Variants in ALG5 observed in about 807,000 individuals in gnomAD.
ALG5 encodes the protein ALG5 dolichyl-phosphate beta-glucosyltransferase.
A neutral mutation model predicts 51.8 loss-of-function variants in ALG5; 26 were observed. That is an observed-to-expected ratio of 0.50 (90% CI 0.37 to 0.70). The LOEUF is 0.70. Ranked by LOEUF, ALG5 falls within the 30% of genes least tolerant of loss-of-function variation. The pLI is 0.00. For synonymous variants in ALG5, 141 were observed against 136.1 expected (o/e 1.04, Z -0.25); for missense variants, 311 against 399.3 (o/e 0.78, Z 1.88).
chr13:36,986,459 G>A (rs193275031), intron 5 of ALG5, among the ~76,000 whole-genome samples: 4 of 152,078 alleles, frequency 2.6e-5, no homozygotes, highest in East Asian at 1.9e-4. Context: ...TATTTCTTAC[G>A]TGCAAATATA....
intron 4 of ALG5, among the ~76,000 whole-genome samples, chr13:36,991,263 C>G (rs1408947509): frequency 1.3e-5 from 2 of 152,162 alleles, no homozygotes; most frequent in Non-Finnish European, 2.9e-5. Context: ...TTTCTCTTTT[C>G]TAGCCTCCAT....
At chr13:36,976,688 C>A (rs894466016) in intron 6 of ALG5, among the ~76,000 whole-genome samples, 4 of 151,664 alleles carry the variant, frequency 2.6e-5, no homozygotes, top group African/African-American at 7.3e-5. Context: ...GCAGAGGTTG[C>A]GGTGAGCCGA....
At chr13:36,994,837 G>T in intron 3 of ALG5, 152 bp downstream of exon 3, 1 of 656,944 alleles carries the variant, frequency 1.5e-6, no homozygotes, top group Non-Finnish European at 2.7e-6. Context: ...TACGTGCCGG[G>T]CTTATGGATA....
At chr13:36,985,459 TA>T (rs1182340538) in intron 6 of ALG5, among the ~76,000 whole-genome samples, 167 bp downstream of exon 6, 3 of 152,126 alleles carry the variant, frequency 2.0e-5, no homozygotes, top group Non-Finnish European at 4.4e-5. Flanking sequence ...AATCAGACAA[TA>T]TTTGTAACAA....
At chr13:36,977,852 C>A in intron 6 of ALG5, among the ~76,000 whole-genome samples, 1 of 130,728 alleles carries the variant, frequency 7.6e-6, no homozygotes, top group South Asian at 2.6e-4. Context: ...ATATTATCTT[C>A]TAGCAAGAAA....
chr13:36,998,006 T>G (rs2059059391), intron 1 of ALG5, among the ~76,000 whole-genome samples: 1 of 152,202 alleles, frequency 6.6e-6, no homozygotes, highest in Admixed American at 6.5e-5. Context: ...GTGTTAAAGA[T>G]TTAATAACTC....
intron 5 of ALG5, among the ~76,000 whole-genome samples, chr13:36,987,168 G>A (rs2059005617): frequency 6.6e-6 from 1 of 152,090 alleles, no homozygotes; most frequent in South Asian, 2.1e-4. Context: ...CTCTCTCCTA[G>A]GCTATTCTGG....
intron 6 of ALG5, among the ~76,000 whole-genome samples, chr13:36,976,702 C>T (rs1399464582): frequency 4.0e-5 from 6 of 151,590 alleles, no homozygotes; most frequent in African/African-American, 7.3e-5. Context: ...GAGCCGAGAT[C>T]GCACCACTGC....
intron 1 of ALG5, among the ~76,000 whole-genome samples, chr13:36,996,729 G>A (rs1209770428): frequency 1.3e-5 from 2 of 152,238 alleles, no homozygotes; most frequent in Non-Finnish European, 2.9e-5. Context: ...GTATTTTAGG[G>A]TAAATGAATA....
At chr13:36,965,534 G>T in intron 8 of ALG5, 41 bp downstream of exon 8, 1 of 1,566,932 alleles carries the variant, frequency 6.4e-7, no homozygotes, top group Non-Finnish European at 8.7e-7. Context: ...AAGATGGCTG[G>T]GTCATAAGAC....
chr13:36,951,644 G>C (rs2058818253), intron 9 of ALG5, among the ~76,000 whole-genome samples: 2 of 152,136 alleles, frequency 1.3e-5, no homozygotes, highest in African/African-American at 4.8e-5. Context: ...AGCTGTCTAA[G>C]CCTTTTAAAA....
At chr13:36,964,538 T>C (rs762308855) in intron 8 of ALG5, among the ~76,000 whole-genome samples, 13 of 152,134 alleles carry the variant, frequency 8.5e-5, no homozygotes, top group Non-Finnish European at 1.6e-4. Flanking sequence ...CTCCAGTATA[T>C]TTCAAAAGAG....
At chr13:36,957,674 C>A (rs140435066) in intron 8 of ALG5, among the ~76,000 whole-genome samples, 33 of 152,278 alleles carry the variant, frequency 2.2e-4, no homozygotes, top group African/African-American at 6.7e-4. Context: ...CCCCAAAAAG[C>A]GGGACTTAGC....
At position 36,985,729 on chromosome 13, in the gene ALG5, A is replaced by G. The variant is rs769434931; in HGVS notation, c.459T>C (p.Ser153=). The G allele has an allele frequency of 2.4e-5, 38 of 1,610,670 alleles. No individual in the cohort carries two copies. Among genetic ancestry groups the G allele is most frequent in the Non-Finnish European group, 3.1e-5 (37 of 1,177,774 alleles). ...CCATAAGGATCTTTTCTCCTCGAGA[A>G]CTGAATATACCCTGTATTTTAAAAT... ...KGGAIRMGIF[S]SRGEKILMAD... is the part of the protein sequence containing the mutation. Residue 153 remains serine (S), a synonymous_variant, in exon 6 of 10, where the codon AGT becomes AGC. Transcript: ENST00000239891.
intron 8 of ALG5, among the ~76,000 whole-genome samples, chr13:36,964,155 G>A (rs2058881135): frequency 6.6e-6 from 1 of 152,206 alleles, no homozygotes; most frequent in East Asian, 1.9e-4. Context: ...TATCTTTAGA[G>A]AGTGAGGGCA....
chr13:36,988,839 C>T (rs567883907), intron 5 of ALG5, among the ~76,000 whole-genome samples: 1 of 152,320 alleles, frequency 6.6e-6, no homozygotes, highest in South Asian at 2.1e-4. Flanking sequence ...TGAACAAGCC[C>T]TGGACTGCCC....
chr13:36,972,503 T>C (rs2058928838), intron 6 of ALG5, among the ~76,000 whole-genome samples: 1 of 90,542 alleles, frequency 1.1e-5, no homozygotes, highest in Admixed American at 1.3e-4. Flanking sequence ...CGAACAATAA[T>C]CACAAGATAT....
intron 6 of ALG5, among the ~76,000 whole-genome samples, chr13:36,977,726 A>G (rs1426714584): frequency 8.3e-6 from 1 of 120,014 alleles, no homozygotes; most frequent in Non-Finnish European, 1.6e-5. Context: ...CGGGAAGTGT[A>G]GGTTGCAGTG....
At chr13:36,990,831 C>T (rs964156237) in intron 4 of ALG5, among the ~76,000 whole-genome samples, 2 of 152,230 alleles carry the variant, frequency 1.3e-5, no homozygotes, top group Admixed American at 6.5e-5. Flanking sequence ...AACTCACTGA[C>T]TGATTTGTAA....
Sources: allele counts gnomAD v4.1 joint callset (sites outside exome capture counted in the v4.1 genomes callset), GRCh38; gene constraint gnomAD v4.1.1; transcripts MANE v1.5; gene names NCBI Gene and HGNC (gene_info 2026-07-23, HGNC 2026-07-21).